PUS7: variants seen among roughly 807,000 people sequenced by gnomAD.
PUS7 encodes the protein pseudouridine synthase 7.
PUS7 carries 48 observed loss-of-function variants against 79.8 expected under a neutral mutation model. The observed-to-expected ratio is 0.60, with a 90% CI of 0.48 to 0.76. The LOEUF (loss-of-function observed/expected upper bound fraction) is 0.76. PUS7 is among the 30% of genes least tolerant of loss of function. The pLI, the probability that PUS7 is intolerant of heterozygous loss-of-function variation, is 0.00. For missense variants in PUS7, 729 were observed against 797.6 expected (o/e 0.91, Z 1.04); for synonymous variants, 286 against 272.2 (o/e 1.05, Z -0.50).
At position 105,472,260 on chromosome 7, in the gene PUS7, T is replaced by C. The variant is rs555084751; in HGVS notation, c.1176-67A>G. 10 of 958,140 alleles carry C rather than the reference T, an allele frequency of 1.0e-5. No individual in the cohort carries two copies. In the African/African-American group the frequency reaches 1.3e-4, roughly 13 times the overall value. The allele number at this position is 958,140 out of a possible 1,614,324, so 59.4% of individuals were successfully genotyped here. On this transcript the variant is annotated intron_variant, in intron 9 of 15. Transcript: ENST00000469408. ...GATAAAACTTTATATGCACAAATCT[T>C]TGAAGAGTCAACAAATCATATTAAC...
At position 105,462,441 on chromosome 7, in the gene PUS7, CA is replaced by C. The variant is rs201693364; in HGVS notation, c.1757+179del. ...GTGAAACTCCGTCTCAAAAAAAAAC[CA>C]AAAAAAAAACAAAAGGTAAGTAAAA... On this transcript the variant is annotated intron_variant, in intron 14 of 15. Coordinates refer to ENST00000469408, the MANE Select transcript of PUS7 (RefSeq NM_019042.5). 1.8e-3 allele frequency: 1,018 copies of C among 572,500 alleles called. 1 individual carries two copies. Among genetic ancestry groups the C allele is most frequent in the South Asian group, 2.4e-3 (88 of 36,022 alleles). The allele number at this position is 572,500 out of a possible 1,614,324, so 35.5% of individuals were successfully genotyped here. A position where few individuals can be genotyped will look rare whatever the true frequency, so the allele number is the denominator to read the frequency against.
At chr7:105,475,851 A>G (rs1357495110) in intron 9 of PUS7, among the ~76,000 whole-genome samples, 1 of 151,854 alleles carries the variant, frequency 6.6e-6, no homozygotes, top group African/African-American at 2.4e-5. Flanking sequence ...ATCCCTATCC[A>G]CCCAGCCCCC....
At chr7:105,457,966 G>A in intron 15 of PUS7, 40 bp from the exon 16 acceptor site, 1 of 1,601,544 alleles carries the variant, frequency 6.2e-7, no homozygotes, top group South Asian at 1.1e-5. Context: ...AATGAAGGCA[G>A]CTGCAGACAG....
chr7:105,510,476 C>G (rs1178520277), intron 1 of PUS7, among the ~76,000 whole-genome samples: 1 of 152,008 alleles, frequency 6.6e-6, no homozygotes, highest in East Asian at 1.9e-4. Context: ...TGTGAATACA[C>G]TTAACTCTAC....
chr7:105,504,302 C>T (rs1260091056), intron 4 of PUS7, among the ~76,000 whole-genome samples: 1 of 151,824 alleles, frequency 6.6e-6, no homozygotes, highest in Non-Finnish European at 1.5e-5. Flanking sequence ...AACTCCTGAC[C>T]TTAGGTGATC....
chr7:105,460,875 A>AAG (rs1823399898), intron 14 of PUS7, among the ~76,000 whole-genome samples: 1 of 150,500 alleles, frequency 6.6e-6, no homozygotes, highest in Non-Finnish European at 1.5e-5. Context: ...AAAAAAAAAA[A>AAG]ATTTGTTTTT....
chr7:105,510,264 C>T (rs1051317285), intron 1 of PUS7, among the ~76,000 whole-genome samples: 2 of 152,008 alleles, frequency 1.3e-5, no homozygotes, highest in East Asian at 1.9e-4. Flanking sequence ...TGTGCCTTTG[C>T]ACTCCAGCCT....
intron 8 of PUS7, 23 bp from the exon 9 acceptor site, chr7:105,481,200 G>C (rs1310025969): frequency 6.3e-7 from 1 of 1,592,864 alleles, no homozygotes; most frequent in African/African-American, 1.4e-5. Flanking sequence ...AAATTATCCA[G>C]AGGAAAAAAA....
intron 12 of PUS7, among the ~76,000 whole-genome samples, chr7:105,466,837 C>T (rs1379405498): frequency 6.6e-6 from 1 of 151,078 alleles, no homozygotes; most frequent in Non-Finnish European, 1.5e-5. Flanking sequence ...TGGATGTGAC[C>T]AACATGGCAT....
intron 5 of PUS7, among the ~76,000 whole-genome samples, chr7:105,496,415 C>T (rs550333586): frequency 6.6e-5 from 10 of 151,972 alleles, no homozygotes; most frequent in African/African-American, 2.2e-4. Context: ...GTTACTTAAA[C>T]AACACATCTA....
chr7:105,499,738 G>T (rs979034953), intron 5 of PUS7, among the ~76,000 whole-genome samples: 15 of 152,110 alleles, frequency 9.9e-5, no homozygotes, highest in African/African-American at 3.6e-4. Flanking sequence ...TTCAGGTTAA[G>T]AATATTGTGA....
intron 9 of PUS7, among the ~76,000 whole-genome samples, 164 bp downstream of exon 9, chr7:105,480,888 A>AT (rs1824293497): frequency 6.6e-6 from 1 of 152,176 alleles, no homozygotes; most frequent in Non-Finnish European, 1.5e-5. Flanking sequence ...TTGAACTCCG[A>AT]TTTTTTACCC....
chr7:105,518,669 G>A (rs1388426627), intron 1 of PUS7, among the ~76,000 whole-genome samples: 1 of 152,126 alleles, frequency 6.6e-6, no homozygotes, highest in Non-Finnish European at 1.5e-5. Context: ...GATTACAGGT[G>A]TGCACCACCG....
chr7:105,470,043 AAGCT>A, intron 11 of PUS7, among the ~76,000 whole-genome samples: 1 of 152,352 alleles, frequency 6.6e-6, no homozygotes, highest in South Asian at 2.1e-4. Context: ...ATCAATTTTC[AAGCT>A]AACAGTGCTT....
At chr7:105,506,163 G>T in intron 3 of PUS7, 26 bp downstream of exon 3, 6 of 1,585,736 alleles carry the variant, frequency 3.8e-6, no homozygotes, top group Non-Finnish European at 5.2e-6. Context: ...TACAGAAGGT[G>T]ACATTTGCTA....
At chr7:105,475,226 C>T (rs1400578222) in intron 9 of PUS7, among the ~76,000 whole-genome samples, 1 of 152,096 alleles carries the variant, frequency 6.6e-6, no homozygotes, top group Non-Finnish European at 1.5e-5. Flanking sequence ...CGCTCTGTCA[C>T]CCAGGCTAGA....
At chr7:105,488,054 C>T (rs1241590366) in intron 7 of PUS7, among the ~76,000 whole-genome samples, 1 of 152,084 alleles carries the variant, frequency 6.6e-6, no homozygotes, top group Non-Finnish European at 1.5e-5. Context: ...GAGATAAGTG[C>T]TGTGTGCTTT....
In PUS7 at chr7:105,459,245, T is replaced by C. The variant is rs1170528408; in HGVS notation, c.1772A>G (p.Tyr591Cys). ...GAAAAGTGGAATTTTGGGATCATCATATGCAACGACTTCCCTTCAAAACAT... is the reference window on the plus strand; with the variant it reads ...GAAAAGTGGAATTTTGGGATCATCACATGCAACGACTTCCCTTCAAAACAT... ...PQNVSWEVVAYDDPKIPLFNT... is the reference protein window; with the variant it reads ...PQNVSWEVVACDDPKIPLFNT... Residue 591 changes from tyrosine to cysteine, a missense_variant, in exon 15 of 16, where the codon TAT (tyrosine) becomes TGT (cysteine). By Grantham distance (194) the Tyr-to-Cys change is radical (BLOSUM62 -2). Transcript: ENST00000469408. The C allele has an allele frequency of 1.2e-6, 2 of 1,610,222 alleles. No homozygotes were observed. Among genetic ancestry groups the C allele is most frequent in the African/African-American group, 2.7e-5 (2 of 74,842 alleles).
Position 105,500,376 on chromosome 7 carries a change from G to A in PUS7, c.730+2044C>T, listed in dbSNP as rs141900209. Among the ~76,000 whole-genome samples the A allele has an allele frequency of 3.7e-3, 569 of 152,224 alleles. 2 individuals are homozygous for A. Among genetic ancestry groups the A allele is most frequent in the African/African-American group, 0.013 (538 of 41,542 alleles). ...AAAAACACAACATGAGAGACCTGGC[G>A]CTGTGTTTAATGAAGGGGATGGGTA... is the stretch of plus-strand genomic sequence containing the variant. On this transcript the variant is annotated intron_variant, in intron 5 of 15. Coordinates refer to ENST00000469408, the MANE Select transcript of PUS7 (RefSeq NM_019042.5).
Sources: allele counts gnomAD v4.1 joint callset (sites outside exome capture counted in the v4.1 genomes callset), GRCh38; gene constraint gnomAD v4.1.1; transcripts MANE v1.5; gene names NCBI Gene and HGNC (gene_info 2026-07-23, HGNC 2026-07-21).